The following USH2A variants were observed in gnomAD, a reference collection of about 807,000 sequenced individuals.
USH2A encodes the protein usherin.
Under a neutral mutation model 538.9 loss-of-function variants are expected in USH2A, and 443 were observed. The observed-to-expected ratio is 0.82, with a 90% confidence interval of 0.76 to 0.89. The LOEUF (loss-of-function observed/expected upper bound fraction) is 0.89. Among genes scored for constraint, USH2A ranks in the 40% least tolerant of loss-of-function variants. The pLI is 0.00. For missense variants in USH2A, 6,633 were observed against 6,324.8 expected (o/e 1.05, Z -1.65); for synonymous variants, 2,413 against 2,273.5 (o/e 1.06, Z -1.75).
chr1:216,295,045 T>C (rs970527499), intron 9 of USH2A, among the ~76,000 whole-genome samples: 7 of 151,816 alleles, frequency 4.6e-5, no homozygotes, highest in African/African-American at 9.7e-5. Context: ...TTAATTTATA[T>C]GGTATAGTAG....
At chr1:215,905,067 T>A (rs1289827739) in intron 38 of USH2A, among the ~76,000 whole-genome samples, 1 of 151,858 alleles carries the variant, frequency 6.6e-6, no homozygotes, top group Non-Finnish European at 1.5e-5. Context: ...AACGAAAAAA[T>A]ATAAAATGAT....
intron 37 of USH2A, among the ~76,000 whole-genome samples, chr1:215,949,689 C>T (rs547150298): frequency 4.9e-4 from 74 of 151,692 alleles, no homozygotes; most frequent in South Asian, 1.7e-3. Context: ...CAACTGTAGA[C>T]GGAGAAAATA....
intron 11 of USH2A, among the ~76,000 whole-genome samples, chr1:216,281,118 C>T (rs1398650224): frequency 6.6e-6 from 1 of 152,054 alleles, no homozygotes; most frequent in Non-Finnish European, 1.5e-5. Context: ...TGTAACGATA[C>T]TCCATAAACT....
intron 15 of USH2A, among the ~76,000 whole-genome samples, chr1:216,215,676 A>G (rs1190137459): frequency 6.6e-6 from 1 of 152,076 alleles, no homozygotes; most frequent in African/African-American, 2.4e-5. Flanking sequence ...AAAACCTAAA[A>G]CAGAAGCAGC....
intron 32 of USH2A, among the ~76,000 whole-genome samples, chr1:216,037,811 T>A (rs938299010): frequency 4.6e-5 from 7 of 151,570 alleles, no homozygotes; most frequent in African/African-American, 1.4e-4. Context: ...CCATTAGTTT[T>A]TTTTTTTTCC....
chr1:215,834,904 T>C (rs1453617531), intron 47 of USH2A, among the ~76,000 whole-genome samples: 3 of 151,932 alleles, frequency 2.0e-5, no homozygotes, highest in Non-Finnish European at 4.4e-5. Flanking sequence ...TTGTGTTTCA[T>C]TGCATTTTCA....
At chr1:215,920,932 T>G (rs989284651) in intron 38 of USH2A, among the ~76,000 whole-genome samples, 1 of 152,048 alleles carries the variant, frequency 6.6e-6, no homozygotes, top group African/African-American at 2.4e-5. Flanking sequence ...ACTCATACTG[T>G]TCACATGGCT....
At chr1:215,919,970 CTCTCT>C (rs1666055931) in intron 38 of USH2A, among the ~76,000 whole-genome samples, 1 of 152,122 alleles carries the variant, frequency 6.6e-6, no homozygotes, top group Non-Finnish European at 1.5e-5. Flanking sequence ...GTCTCTCTCT[CTCTCT>C]TAACTAAAAC....
intron 19 of USH2A, among the ~76,000 whole-genome samples, chr1:216,192,440 C>T (rs574531917): frequency 6.6e-6 from 1 of 151,966 alleles, no homozygotes; most frequent in African/African-American, 2.4e-5. Flanking sequence ...GCCTGTAATC[C>T]CAGTATTTTG....
At chr1:216,103,386 C>T (rs79418937) in intron 21 of USH2A, among the ~76,000 whole-genome samples, 2,089 of 152,306 alleles carry the variant, frequency 0.014, 58 homozygotes, top group African/African-American at 0.048. Context: ...AAAAGCCATC[C>T]AAAAGCCTTT....
rs1572082770 is a variant in USH2A at position 216,240,930 on chromosome 1, C to A, written c.2809+5655G>T. On this transcript the variant is annotated intron_variant, in intron 13 of 71. Coordinates refer to ENST00000307340, the MANE Select transcript of USH2A (RefSeq NM_206933.4). ...CAGCCTGAACTTCCCACTCATATAT[C>A]TAGTGGGAAAAAACAAAACCTGATA... is the stretch of plus-strand genomic sequence containing the variant. 2.0e-5 allele frequency among the ~76,000 whole-genome samples: 3 copies of A among 152,228 alleles called. No individual in the cohort carries two copies. The South Asian group carries it at 6.2e-4, about 32-fold the overall frequency.
rs75039770 is a variant in USH2A at position 215,905,587 on chromosome 1, C to T, written c.7301-4682G>A. Among the ~76,000 whole-genome samples the T allele has an allele frequency of 9.1e-3, 1,381 of 152,146 alleles. 17 individuals carry two copies. The highest frequency in any genetic ancestry group is 0.031 in the African/African-American group (1,308 of 41,534). On this transcript the variant is annotated intron_variant, in intron 38 of 71. Coordinates refer to ENST00000307340, the MANE Select transcript of USH2A (RefSeq NM_206933.4). ...AGAGGTATAAATGCTACGGGGGACT[C>T]GGAAGTTAGAAACTCACTTCCAGGG...
At chr1:215,862,926 T>C (rs1022263395) in intron 44 of USH2A, among the ~76,000 whole-genome samples, 1 of 152,178 alleles carries the variant, frequency 6.6e-6, no homozygotes, top group African/African-American at 2.4e-5. Context: ...TATGGCTGCA[T>C]ACAATGTTGG....
At chr1:215,734,903 A>T (rs1660112307) in intron 60 of USH2A, among the ~76,000 whole-genome samples, 1 of 152,006 alleles carries the variant, frequency 6.6e-6, no homozygotes, top group Non-Finnish European at 1.5e-5. Flanking sequence ...GAAGTTCCAA[A>T]TTTTCCCTCA....
chr1:215,714,587 T>G (rs6656554), intron 61 of USH2A, among the ~76,000 whole-genome samples: 60,765 of 152,082 alleles, frequency 0.4, 12,857 homozygotes, highest in African/African-American at 0.54. Context: ...TAAAGGGCAA[T>G]TTATATCCTG....
intron 44 of USH2A, among the ~76,000 whole-genome samples, chr1:215,858,350 G>A (rs1664225006): frequency 6.6e-6 from 1 of 151,700 alleles, no homozygotes; most frequent in Non-Finnish European, 1.5e-5. Context: ...TAATACCCAT[G>A]TGTCAAGGGC....
chr1:215,745,320 T>C (rs1660440826), intron 58 of USH2A, among the ~76,000 whole-genome samples: 1 of 152,218 alleles, frequency 6.6e-6, no homozygotes, highest in Non-Finnish European at 1.5e-5. Flanking sequence ...TTTAGAATGA[T>C]AACACTGTTG....
intron 4 of USH2A, among the ~76,000 whole-genome samples, chr1:216,360,882 G>A (rs1165853167): frequency 6.6e-6 from 1 of 151,910 alleles, no homozygotes; most frequent in African/African-American, 2.4e-5. Context: ...ATACAAATGA[G>A]TAATTTAAAT....
At chr1:215,680,791 G>A (rs987062121) in intron 61 of USH2A, among the ~76,000 whole-genome samples, 9 of 152,018 alleles carry the variant, frequency 5.9e-5, no homozygotes, top group Non-Finnish European at 7.4e-5. Context: ...TTAAGGGTTT[G>A]GAGAGTTAAC....
Sources: gnomAD v4.1 joint callset for allele counts (sites outside exome capture counted in the v4.1 genomes callset) on GRCh38, gnomAD v4.1.1 for gene constraint, MANE v1.5 for transcripts, NCBI Gene and HGNC (gene_info 2026-07-23, HGNC 2026-07-21) for gene names.